Variants in GPATCH8 observed in about 807,000 individuals in gnomAD.
GPATCH8 encodes G patch domain-containing protein 8.
Under a neutral mutation model 118.3 loss-of-function variants are expected in GPATCH8, and 18 were observed. That is an observed-to-expected ratio of 0.15 (90% CI 0.11 to 0.23). The LOEUF is 0.23. Ranked by LOEUF, GPATCH8 falls within the 10% of genes least tolerant of loss-of-function variation. GPATCH8 has a pLI of 1.00. For missense variants in GPATCH8, 1,631 were observed against 1,873.8 expected (o/e 0.87, Z 2.39); for synonymous variants, 659 against 684.7 (o/e 0.96, Z 0.59).
chr17:44,476,448 G>A (rs544410235), intron 1 of GPATCH8, among the ~76,000 whole-genome samples: 4 of 152,138 alleles, frequency 2.6e-5, no homozygotes, highest in Admixed American at 2.0e-4. Context: ...CAGGCAATCC[G>A]CCCACCTCAG....
intron 6 of GPATCH8, among the ~76,000 whole-genome samples, chr17:44,422,954 G>A (rs116109996): frequency 0.012 from 1,856 of 151,942 alleles, 33 homozygotes; most frequent in African/African-American, 0.037. Context: ...TTCGAATCAA[G>A]CAAAGCTGAC....
intron 3 of GPATCH8, among the ~76,000 whole-genome samples, chr17:44,459,832 A>C (rs1046401667): frequency 6.6e-6 from 1 of 152,206 alleles, no homozygotes; most frequent in African/African-American, 2.4e-5. Context: ...TGCTGGTATA[A>C]CAAGAATGTA....
At chr17:44,472,820 C>T (rs1292113939) in intron 2 of GPATCH8, among the ~76,000 whole-genome samples, 2 of 151,978 alleles carry the variant, frequency 1.3e-5, no homozygotes, top group Non-Finnish European at 2.9e-5. Context: ...ATCAGCCTCC[C>T]GAGTAGCTGG....
intron 5 of GPATCH8, among the ~76,000 whole-genome samples, chr17:44,432,321 A>G (rs2050347904): frequency 6.6e-6 from 1 of 152,182 alleles, no homozygotes; most frequent in Admixed American, 6.5e-5. Context: ...TGAAGGCATT[A>G]CTACCTGATG....
intron 1 of GPATCH8, among the ~76,000 whole-genome samples, chr17:44,479,733 T>C (rs1201733325): frequency 2.0e-5 from 3 of 149,154 alleles, no homozygotes; most frequent in Admixed American, 6.7e-5. Flanking sequence ...CTTTGGGAGG[T>C]CGAGGCGGGT....
Position 44,396,628 on chromosome 17 carries a change from A to AT in GPATCH8, c.*939dup, listed in dbSNP as rs1251608591. 6.7e-6 allele frequency: 3 copies of AT among 446,068 alleles called. No individual in the cohort carries two copies. Among genetic ancestry groups the AT allele is most frequent in the African/African-American group, 6.1e-5 (3 of 49,466 alleles). 27.6% of individuals were successfully genotyped at this position (446,068 alleles called of 1,614,324 possible). Reference sequence around the variant, plus strand: ...GTTTCTTAATTCAACTAGGGCAAACATATTTACACAAAGCCACCAGAACGA... The same window carrying AT: ...GTTTCTTAATTCAACTAGGGCAAACATTATTTACACAAAGCCACCAGAACGA... On this transcript the variant is annotated 3_prime_UTR_variant, in exon 8 of 8. Transcript: ENST00000591680.
intron 1 of GPATCH8, among the ~76,000 whole-genome samples, chr17:44,485,533 C>A (rs1968712863): frequency 1.3e-5 from 2 of 152,018 alleles, no homozygotes; most frequent in Admixed American, 6.5e-5. Context: ...CTCAAACGAT[C>A]CTCCCACCTT....
chr17:44,402,121 A>C (rs958947616), intron 7 of GPATCH8, among the ~76,000 whole-genome samples: 1 of 152,014 alleles, frequency 6.6e-6, no homozygotes, highest in Non-Finnish European at 1.5e-5. Flanking sequence ...GGAGTTCAAG[A>C]CCAGCCTGAC....
At chr17:44,498,939 A>G (rs1969863197) in intron 1 of GPATCH8, among the ~76,000 whole-genome samples, 1 of 152,226 alleles carries the variant, frequency 6.6e-6, no homozygotes, top group Admixed American at 6.5e-5. Flanking sequence ...GAATTTCCTA[A>G]GGGTCACATA....
At chr17:44,475,117 G>A (rs905980278) in intron 1 of GPATCH8, among the ~76,000 whole-genome samples, 5 of 151,972 alleles carry the variant, frequency 3.3e-5, no homozygotes, top group African/African-American at 7.2e-5. Flanking sequence ...GGTGGCTCAC[G>A]CCTGTAATCC....
At chr17:44,494,411 G>A (rs1969509407) in intron 1 of GPATCH8, among the ~76,000 whole-genome samples, 1 of 152,130 alleles carries the variant, frequency 6.6e-6, no homozygotes, top group Non-Finnish European at 1.5e-5. Flanking sequence ...GGCCAACATA[G>A]TGAAACCCTG....
At chr17:44,413,366 A>G (rs1268778889) in intron 6 of GPATCH8, among the ~76,000 whole-genome samples, 1 of 151,944 alleles carries the variant, frequency 6.6e-6, no homozygotes, top group Non-Finnish European at 1.5e-5. Context: ...CGCCTCCCAC[A>G]TTCAAGCGAT....
chr17:44,482,931 C>T (rs562176107), intron 1 of GPATCH8, among the ~76,000 whole-genome samples: 43 of 149,364 alleles, frequency 2.9e-4, no homozygotes, highest in African/African-American at 9.8e-4. Context: ...CCGAGGCAGG[C>T]GGATCACGAG....
At chr17:44,429,501 TA>T (rs2050214448) in intron 5 of GPATCH8, among the ~76,000 whole-genome samples, 1 of 152,046 alleles carries the variant, frequency 6.6e-6, no homozygotes, top group Non-Finnish European at 1.5e-5. Flanking sequence ...TGATTCCACT[TA>T]TATAAAGTTA....
In GPATCH8 at chr17:44,396,088, G is replaced by A. The variant is rs1567914052; in HGVS notation, c.*1480C>T. The A allele has an allele frequency of 2.2e-6, 1 of 454,358 alleles. No individual in the cohort carries two copies. Among genetic ancestry groups the A allele is most frequent in the Non-Finnish European group, 4.4e-6 (1 of 226,794 alleles). 28.1% of individuals were successfully genotyped at this position (454,358 alleles called of 1,614,324 possible). On this transcript the variant is annotated 3_prime_UTR_variant, in exon 8 of 8. Coordinates refer to ENST00000591680, the MANE Select transcript of GPATCH8 (RefSeq NM_001002909.4). Reference sequence around the variant, plus strand: ...CTCACCTCCCAACAAAAGGAAGACTGTCCCAACTCATCCTCCAGCCTACTT... The same window carrying A: ...CTCACCTCCCAACAAAAGGAAGACTATCCCAACTCATCCTCCAGCCTACTT...
intron 5 of GPATCH8, among the ~76,000 whole-genome samples, chr17:44,430,920 G>C (rs926307494): frequency 2.6e-5 from 4 of 151,158 alleles, no homozygotes; most frequent in Admixed American, 6.6e-5. Context: ...CAAAGTGCTG[G>C]GATTACAGGT....
At chr17:44,414,229 C>T (rs547073959) in intron 6 of GPATCH8, among the ~76,000 whole-genome samples, 26 of 151,328 alleles carry the variant, frequency 1.7e-4, no homozygotes, top group Non-Finnish European at 3.2e-4. Flanking sequence ...TTCACCACCA[C>T]TACCACCATG....
At chr17:44,443,512 A>C (rs1456503640) in intron 3 of GPATCH8, among the ~76,000 whole-genome samples, 3 of 152,182 alleles carry the variant, frequency 2.0e-5, no homozygotes, top group African/African-American at 7.2e-5. Context: ...CATTGAGCAC[A>C]TTACTTAATC....
At chr17:44,430,164 T>C (rs1598469747) in intron 5 of GPATCH8, among the ~76,000 whole-genome samples, 2 of 141,750 alleles carry the variant, frequency 1.4e-5, no homozygotes, top group South Asian at 4.4e-4. Context: ...CAAGGGAAAA[T>C]AGAAGAGGAA....
Sources: gnomAD v4.1 joint callset for allele counts (sites outside exome capture counted in the v4.1 genomes callset) on GRCh38, gnomAD v4.1.1 for gene constraint, MANE v1.5 for transcripts, NCBI Gene and HGNC (gene_info 2026-07-23, HGNC 2026-07-21) for gene names.